Variants in NLRP13 observed in about 807,000 individuals in gnomAD.
NLRP13 encodes NACHT, LRR and PYD domains-containing protein 13.
In NLRP13, 82 loss-of-function variants were observed where a neutral mutation model predicts 94.4. That is an observed-to-expected ratio of 0.87 (90% CI 0.73 to 1.04). The LOEUF (loss-of-function observed/expected upper bound fraction) is 1.04, where lower values mean the gene tolerates loss of function less well. Ranked by LOEUF, NLRP13 falls within the 50% of genes least tolerant of loss-of-function variation. The probability of loss-of-function intolerance (pLI) is 0.00; values close to 1 mark genes in which losing one functional copy is unlikely to be tolerated. For synonymous variants in NLRP13, 553 were observed against 464.7 expected, an observed-to-expected ratio of 1.19 and a Z score of -2.45; for missense variants, 1,426 against 1,230.8, an observed-to-expected ratio of 1.16 and a Z score of -2.37.
intron 2 of NLRP13, 146 bp from the exon 3 acceptor site, chr19:55,924,804 A>G: frequency 1.2e-6 from 1 of 855,660 alleles, no homozygotes; most frequent in South Asian, 1.5e-5. Flanking sequence ...GTTTACAGTA[A>G]GTTATCATTT....
chr19:55,932,295 A>T lies in NLRP13; in HGVS notation c.17T>A (p.Ile6Asn). 1 of 1,604,304 alleles carries T rather than the reference A, an allele frequency of 6.2e-7. No homozygotes were observed. Among genetic ancestry groups the T allele is most frequent in the Non-Finnish European group, 8.5e-7 (1 of 1,177,696 alleles). Reference sequence around the variant, plus strand: ...GTTGGTACCACCGTTGGGGCAGGTGATTACAGAAAAGTTCATCTTGCCCAA... The same window carrying T: ...GTTGGTACCACCGTTGGGGCAGGTGTTTACAGAAAAGTTCATCTTGCCCAA... MNFSV[I>N]TCPNGGTNQG... The change falls in exon 1 of 11, where the codon ATC (isoleucine) becomes AAC (asparagine). Residue 6 changes from isoleucine (I) to asparagine (N), a missense_variant. Ile to Asn is a moderately radical substitution (Grantham distance 149). Coordinates refer to ENST00000342929, the MANE Select transcript of NLRP13 (RefSeq NM_176810.2).
In NLRP13 at chr19:55,912,532, AACACACC is replaced by A; in HGVS notation, c.1278_1284del (p.Met426IlefsTer8). The A allele has an allele frequency of 2.5e-6, 4 of 1,614,202 alleles. No individual in the cohort carries two copies. Among genetic ancestry groups the A allele is most frequent in the Non-Finnish European group, 2.5e-6 (3 of 1,180,012 alleles). On this transcript the variant is annotated frameshift_variant, in exon 5 of 11. Coordinates refer to ENST00000342929, the MANE Select transcript of NLRP13 (RefSeq NM_176810.2). LOFTEE classifies it high-confidence loss of function. ...TGCTTCAGACAGGAACATACGGTCC[AACACACC>A]ATGGGGGCACTGCAGGAATGAAAGA...
rs1210373058 is a variant in NLRP13, at chr19:55,902,324, G to A, written c.2619-119C>T. 13 of 744,180 alleles carry A rather than the reference G, an allele frequency of 1.7e-5. No individual in the cohort carries two copies. In the East Asian group the frequency reaches 3.5e-4, roughly 20 times the overall value. The allele number at this position is 744,180 out of a possible 1,614,324, so 46.1% of individuals were successfully genotyped here. ...CATGCAGCAGCTCCCTGGACGACAAGGTCTTTCTTTTTAGCTGGACACCGA... is the reference window on the plus strand; with the variant it reads ...CATGCAGCAGCTCCCTGGACGACAAAGTCTTTCTTTTTAGCTGGACACCGA... On this transcript the variant is annotated intron_variant, in intron 8 of 10. Coordinates refer to ENST00000342929, the MANE Select transcript of NLRP13 (RefSeq NM_176810.2).
rs1338071833 is a variant in NLRP13, at chr19:55,930,901, A to ATATATATATATATATATATTT, written c.319+1091_319+1092insAAATATATATATATATATATA. ...ATATATATATATATATATATATAAA[A>ATATATATATATATATATATTT]TTTTAACCAGAAGCTTAAACAGCAT... On this transcript the variant is annotated intron_variant, in intron 1 of 10. Coordinates refer to ENST00000342929, the MANE Select transcript of NLRP13 (RefSeq NM_176810.2). Among the ~76,000 whole-genome samples, 32 of 98,286 alleles carry ATATATATATATATATATATTT rather than the reference A, an allele frequency of 3.3e-4. 1 individual carries two copies. The highest frequency in any genetic ancestry group is 5.3e-4 in the Non-Finnish European group (28 of 53,076). The allele number at this position is 98,286 out of a possible 152,430, so 64.5% of individuals were successfully genotyped here.
At position 55,897,611 on chromosome 19, in the gene NLRP13, A is replaced by G. The variant is rs115170746; in HGVS notation, c.2957+1159T>C. ...TTGCTTCGTTAACTGATTTTTTTGA[A>G]GATAAACTTGATTCAGAATGCATTT... On this transcript the variant is annotated intron_variant, in intron 10 of 10. Transcript: ENST00000342929. 5.0e-3 allele frequency among the ~76,000 whole-genome samples: 754 copies of G among 152,312 alleles called. 11 individuals are homozygous for G. The highest frequency in any genetic ancestry group is 0.018 in the African/African-American group (729 of 41,566).
rs778704225 is a variant in NLRP13 at position 55,928,074 on chromosome 19, C to T, written c.320-3039G>A. Among the ~76,000 whole-genome samples the T allele has an allele frequency of 2.0e-4, 30 of 152,178 alleles. 1 individual carries two copies. The highest frequency in any genetic ancestry group is 7.9e-4 in the Admixed American group (12 of 15,274). On this transcript the variant is annotated intron_variant, in intron 1 of 10. Coordinates refer to ENST00000342929, the MANE Select transcript of NLRP13 (RefSeq NM_176810.2). ...GATCCAACTGCTGAGCTTTTATCGTCCCCTGCATGGCTGGTGAGGTGGATG... is the reference window on the plus strand; with the variant it reads ...GATCCAACTGCTGAGCTTTTATCGTTCCCTGCATGGCTGGTGAGGTGGATG...
In NLRP13 at chr19:55,915,464, G is replaced by A. The variant is rs140718600; in HGVS notation, c.524-2171C>T. 3.9e-3 allele frequency among the ~76,000 whole-genome samples: 591 copies of A among 152,176 alleles called. 1 individual carries two copies. The highest frequency in any genetic ancestry group is 9.1e-3 in the Admixed American group (139 of 15,292). On this transcript the variant is annotated intron_variant, in intron 4 of 10. Coordinates refer to ENST00000342929, the MANE Select transcript of NLRP13 (RefSeq NM_176810.2). Reference sequence around the variant, plus strand: ...AATACAAAGATTAGCCAGGCATGGTGGCACGCGCCTGTAATCCCAGCTACT... The same window carrying A: ...AATACAAAGATTAGCCAGGCATGGTAGCACGCGCCTGTAATCCCAGCTACT...
At position 55,912,103 on chromosome 19, in the gene NLRP13, G is replaced by T; in HGVS notation, c.1714C>A (p.His572Asn). 6.2e-7 allele frequency: 1 copy of T among 1,614,190 alleles called. No homozygotes were observed. Among genetic ancestry groups the T allele is most frequent in the Non-Finnish European group, 8.5e-7 (1 of 1,180,028 alleles). ...KPQEMKMLLQHVLLDKEAYWT... is the reference protein window; with the variant it reads ...KPQEMKMLLQNVLLDKEAYWT... ...TAGGCTTCTTTGTCAAGCAAGACGTGTTGCAGTAACATCTTCATCTCTTGT... is the reference window on the plus strand; with the variant it reads ...TAGGCTTCTTTGTCAAGCAAGACGTTTTGCAGTAACATCTTCATCTCTTGT... The change falls in exon 5 of 11, where the codon CAC (histidine) becomes AAC (asparagine). Residue 572 changes from histidine (H) to asparagine (N), a missense_variant. His to Asn is a moderately conservative substitution (Grantham distance 68, BLOSUM62 1). Transcript: ENST00000342929.
At chr19:55,913,354 C>T in intron 4 of NLRP13, 61 bp from the exon 5 acceptor site, 2 of 1,522,502 alleles carry the variant, frequency 1.3e-6, no homozygotes, top group East Asian at 2.3e-5. Context: ...AGGAATGATT[C>T]AGTTACAAAG....
chr19:55,906,353 A>AAAAAAC (rs1398148572), intron 7 of NLRP13, among the ~76,000 whole-genome samples: 5 of 150,898 alleles, frequency 3.3e-5, no homozygotes, highest in Non-Finnish European at 7.4e-5. Context: ...AAAAAAAAAA[A>AAAAAAC]AGACAGATGA....
chr19:55,908,998 G>C (rs1382771741), intron 6 of NLRP13, among the ~76,000 whole-genome samples: 1 of 152,172 alleles, frequency 6.6e-6, no homozygotes, highest in East Asian at 1.9e-4. Context: ...ACTGAGGTTT[G>C]AGGAAAGTTA....
At chr19:55,908,019 C>G in intron 6 of NLRP13, 63 bp from the exon 7 acceptor site, 1 of 1,477,450 alleles carries the variant, frequency 6.8e-7, no homozygotes, top group Non-Finnish European at 9.2e-7. Context: ...AGGATCCCGT[C>G]TGCCTCCTCA....
In NLRP13 at chr19:55,912,628, T is replaced by C. The variant is rs1218192783; in HGVS notation, c.1189A>G (p.Arg397Gly). ...ACTTCACTTGAGTCATCAAAGTGTCTCATGAAATATACCCGTAGGTCGTCC... is the reference window on the plus strand; with the variant it reads ...ACTTCACTTGAGTCATCAAAGTGTCCCATGAAATATACCCGTAGGTCGTCC... ...TGDDLRVYFM[R>G]HFDDSSEVEK... The change falls in exon 5 of 11, where the codon AGA becomes GGA. Residue 397 changes from arginine (R) to glycine (G), a missense_variant. Physicochemically the swap from Arg to Gly is moderately radical, Grantham distance 125 (BLOSUM62 -2). Transcript: ENST00000342929. The C allele has an allele frequency of 3.7e-6, 6 of 1,614,236 alleles. No homozygotes were observed. Among genetic ancestry groups the C allele is most frequent in the Non-Finnish European group, 3.4e-6 (4 of 1,180,040 alleles).
chr19:55,921,029 C>G (rs193115675), intron 4 of NLRP13, among the ~76,000 whole-genome samples: 78 of 152,094 alleles, frequency 5.1e-4, no homozygotes, highest in African/African-American at 1.7e-3. Flanking sequence ...TAACAAATAC[C>G]GCAAGTTCTT....
At chr19:55,902,558 C>T (rs1986216702) in intron 8 of NLRP13, among the ~76,000 whole-genome samples, 1 of 152,096 alleles carries the variant, frequency 6.6e-6, no homozygotes, top group African/African-American at 2.4e-5. Context: ...TCAACAAGCT[C>T]CCGCACTCCT....
intron 10 of NLRP13, among the ~76,000 whole-genome samples, chr19:55,898,264 C>T (rs1986070462): frequency 1.4e-5 from 2 of 139,860 alleles, no homozygotes; most frequent in Admixed American, 1.6e-4. Flanking sequence ...GGCTGGAGTG[C>T]AATGGCACAA....
intron 4 of NLRP13, among the ~76,000 whole-genome samples, chr19:55,922,628 G>A (rs567024306): frequency 8.2e-4 from 125 of 152,282 alleles, no homozygotes; most frequent in Middle Eastern, 3.4e-3. Flanking sequence ...GCCCAGCAGA[G>A]TTGTTTTAAG....
chr19:55,920,402 AT>A (rs1377572695), intron 4 of NLRP13, among the ~76,000 whole-genome samples: 2 of 152,328 alleles, frequency 1.3e-5, no homozygotes, highest in East Asian at 3.9e-4. Context: ...ATAGGAAAAA[AT>A]ATTTGCAAAG....
chr19:55,903,119 T>G (rs1270582320), intron 8 of NLRP13, among the ~76,000 whole-genome samples: 1 of 152,002 alleles, frequency 6.6e-6, no homozygotes, highest in Non-Finnish European at 1.5e-5. Flanking sequence ...TAATAATATA[T>G]TAGGGTTGTA....
Sources: allele counts gnomAD v4.1 joint callset (sites outside exome capture counted in the v4.1 genomes callset), GRCh38; gene constraint gnomAD v4.1.1; transcripts MANE v1.5; gene names NCBI Gene and HGNC (gene_info 2026-07-23, HGNC 2026-07-21).